Variants in COL3A1 observed in about 807,000 individuals in gnomAD.
The protein encoded by COL3A1 is collagen type III alpha 1 chain.
Under a neutral mutation model 200.9 loss-of-function variants are expected in COL3A1, and 46 were observed. The observed-to-expected ratio is 0.23, with a 90% CI of 0.18 to 0.29. The LOEUF is 0.29. Among genes scored for constraint, COL3A1 ranks in the 10% least tolerant of loss-of-function variants. The pLI is 1.00. For missense variants in COL3A1, 1,367 were observed against 1,917.6 expected (o/e 0.71, Z 5.36); for synonymous variants, 650 against 628.0 (o/e 1.03, Z -0.52).
At chr2:189,003,643 A>G in intron 37 of COL3A1, 91 bp from the exon 38 acceptor site, 1 of 1,449,216 alleles carries the variant, frequency 6.9e-7, no homozygotes, top group Non-Finnish European at 9.7e-7. Context: ...TTTCAGGTAC[A>G]ATGCAGATCA....
rs1688739851 is a variant in COL3A1, at chr2:189,011,959, C to A, written c.*185C>A. ...TCTTTTTTTGCTGTTCCACCAAATA[C>A]AATTCAAATGCTTTTTGTTTTATTT... On this transcript the variant is annotated 3_prime_UTR_variant, in exon 51 of 51. Transcript: ENST00000304636. 1 of 644,154 alleles carries A rather than the reference C, an allele frequency of 1.6e-6. No individual in the cohort carries two copies. Among genetic ancestry groups the A allele is most frequent in the African/African-American group, 1.8e-5 (1 of 54,670 alleles). 39.9% of individuals were successfully genotyped at this position (644,154 alleles called of 1,614,324 possible).
Position 189,002,632 on chromosome 2 carries a change from T to C in COL3A1, c.2445+281T>C, listed in dbSNP as rs538308943. ...TTTTGTAAATTCTTCCATTATAAGATGGTACTAATTAAAATTTTCTCTTAA... is the reference window on the plus strand; with the variant it reads ...TTTTGTAAATTCTTCCATTATAAGACGGTACTAATTAAAATTTTCTCTTAA... On this transcript the variant is annotated intron_variant, in intron 35 of 50. Coordinates refer to ENST00000304636, the MANE Select transcript of COL3A1 (RefSeq NM_000090.4). Among the ~76,000 whole-genome samples the C allele has an allele frequency of 9.8e-5, 15 of 152,314 alleles. No homozygotes were observed. In the South Asian group the frequency reaches 1.9e-3, roughly 19 times the overall value.
rs189304624 is a variant in COL3A1, at chr2:189,009,819, C to G, written c.3824-359C>G. On this transcript the variant is annotated intron_variant, in intron 48 of 50. Coordinates refer to ENST00000304636, the MANE Select transcript of COL3A1 (RefSeq NM_000090.4). ...AATCATAGGGATTTCAGCTTTAGAA[C>G]TATTGGAACAAATCTAGGTTAGACA... 1.3e-3 allele frequency among the ~76,000 whole-genome samples: 198 copies of G among 152,174 alleles called. 2 individuals carry two copies. The highest frequency in any genetic ancestry group is 4.4e-3 in the African/African-American group (183 of 41,514).
chr2:188,978,865 A>G (rs1339829441), intron 1 of COL3A1, among the ~76,000 whole-genome samples: 3 of 151,878 alleles, frequency 2.0e-5, no homozygotes, highest in Non-Finnish European at 4.4e-5. Flanking sequence ...AAAAAATGAG[A>G]TAGCTATTCT....
Position 189,003,584 on chromosome 2 carries a change from T to C in COL3A1, c.2607+120T>C, listed in dbSNP as rs1688519312. ...TGTAAAAATTGTAATCGCTCATTCA[T>C]ACATGAGTTATATGTAAATTCCAAG... On this transcript the variant is annotated intron_variant, in intron 37 of 50. Transcript: ENST00000304636. 59 of 1,328,538 alleles carry C rather than the reference T, an allele frequency of 4.4e-5. 1 individual carries two copies. In the South Asian group the frequency reaches 6.9e-4, roughly 15 times the overall value. The allele number at this position is 1,328,538 out of a possible 1,614,324, so 82.3% of individuals were successfully genotyped here.
chr2:189,011,995 T>G lies in COL3A1; in HGVS notation c.*221T>G, dbSNP rs1688740309. ...CTTTTTGTTTTATTTTTTTACCAAT[T>G]CCAATTTCAAAATGTCTCAATGGTG... is the stretch of plus-strand genomic sequence containing the variant. On this transcript the variant is annotated 3_prime_UTR_variant, in exon 51 of 51. Coordinates refer to ENST00000304636, the MANE Select transcript of COL3A1 (RefSeq NM_000090.4). The G allele has an allele frequency of 1.8e-6, 1 of 569,600 alleles. No individual in the cohort carries two copies. Among genetic ancestry groups the G allele is most frequent in the African/African-American group, 1.9e-5 (1 of 53,202 alleles). The allele number at this position is 569,600 out of a possible 1,614,324, so 35.3% of individuals were successfully genotyped here. A position where few individuals can be genotyped will look rare whatever the true frequency, so the allele number is the denominator to read the frequency against.
chr2:189,002,205 G>A lies in COL3A1; in HGVS notation c.2392-93G>A, dbSNP rs1688481573. ...CTACTCTGCACATTTCCTGCTTAAA[G>A]GAAAGAAAAGATAAGATGATAAGAT... On this transcript the variant is annotated intron_variant, in intron 34 of 50. Transcript: ENST00000304636. 7 of 1,080,864 alleles carry A rather than the reference G, an allele frequency of 6.5e-6. No individual in the cohort carries two copies. The East Asian group carries it at 1.4e-4, about 22-fold the overall frequency. 67.0% of individuals were successfully genotyped at this position (1,080,864 alleles called of 1,614,324 possible).
chr2:188,994,953 G>GCATC lies in COL3A1; in HGVS notation c.1456-90_1456-89insCCAT. The GCATC allele has an allele frequency of 6.4e-7, 1 of 1,551,244 alleles. No individual in the cohort carries two copies. The highest frequency in any genetic ancestry group is 8.9e-7 in the Non-Finnish European group (1 of 1,123,276). ...GTGTTCAGTGAAAATATTGTTTAAA[G>GCATC]CATTCTATGACATAAAAATATTTGC... On this transcript the variant is annotated intron_variant, in intron 20 of 50. Transcript: ENST00000304636. This position sits in a 1 kb window ranked among gnomAD's most constrained non-coding sequence, Gnocchi z 4.5.
intron 28 of COL3A1, 127 bp downstream of exon 28, chr2:188,998,446 T>A (rs1688377791): frequency 1.0e-6 from 1 of 991,844 alleles, no homozygotes; most frequent in Non-Finnish European, 1.5e-6. Context: ...TTTGAAATAT[T>A]ATCAAAACAA....
intron 40 of COL3A1, 41 bp from the exon 41 acceptor site, chr2:189,005,309 C>A (rs762235577): frequency 6.5e-7 from 1 of 1,534,568 alleles, no homozygotes; most frequent in African/African-American, 1.4e-5. Context: ...TAATTGATTT[C>A]TTAAGTTGAA....
At chr2:188,995,508 C>T in intron 21 of COL3A1, 184 bp from the exon 22 acceptor site, 1 of 579,928 alleles carries the variant, frequency 1.7e-6, no homozygotes, top group East Asian at 2.9e-5. Flanking sequence ...CACAAAGTTG[C>T]TTTAAAATTT....
Position 189,006,231 on chromosome 2 carries a change from C to G in COL3A1, c.3065C>G (p.Pro1022Arg). Residue 1022 changes from proline to arginine, a missense_variant, in exon 42 of 51, where the codon CCA becomes CGA. Physicochemically the swap from Pro to Arg is moderately radical, Grantham distance 103. This residue lies in a region of COL3A1 where 846 missense variants were observed against 1,147.9 expected (regional missense o/e 0.74). Transcript: ENST00000304636. Reference sequence around the variant, plus strand: ...GGAAACCCTGGATCAGATGGTCTTCCAGGCCGAGATGGATCTCCTGGTGGC... The same window carrying G: ...GGAAACCCTGGATCAGATGGTCTTCGAGGCCGAGATGGATCTCCTGGTGGC... ...RDGNPGSDGL[P>R]GRDGSPGGKG... is the part of the protein sequence containing the mutation. 6.2e-7 allele frequency: 1 copy of G among 1,614,156 alleles called. No individual in the cohort carries two copies. Among genetic ancestry groups the G allele is most frequent in the Non-Finnish European group, 8.5e-7 (1 of 1,180,028 alleles).
In COL3A1 at chr2:189,002,312, A is replaced by G; in HGVS notation, c.2406A>G (p.Glu802=). ...GPRGSPGERG[E]TGPPGPAGFP... ...TTTCTCTTCAGGGTGAGAGAGGTGA[A>G]ACTGGCCCTCCAGGACCTGCTGGTT... The change falls in exon 35 of 51, where the codon GAA becomes GAG. Residue 802 remains glutamate (E), a synonymous_variant. Coordinates refer to ENST00000304636, the MANE Select transcript of COL3A1 (RefSeq NM_000090.4). 1 of 1,614,032 alleles carries G rather than the reference A, an allele frequency of 6.2e-7. No homozygotes were observed. Among genetic ancestry groups the G allele is most frequent in the Non-Finnish European group, 8.5e-7 (1 of 1,179,924 alleles).
At chr2:188,975,875 A>T (rs1209779774) in intron 1 of COL3A1, among the ~76,000 whole-genome samples, 1 of 150,144 alleles carries the variant, frequency 6.7e-6, no homozygotes, top group East Asian at 2.0e-4. Flanking sequence ...CTCTTCACTC[A>T]TCACCCCACC....
chr2:188,994,356 G>T lies in COL3A1; in HGVS notation c.1293+24G>T. On this transcript the variant is annotated intron_variant, in intron 18 of 50. Coordinates refer to ENST00000304636, the MANE Select transcript of COL3A1 (RefSeq NM_000090.4). This position sits in a 1 kb window ranked among gnomAD's most constrained non-coding sequence, Gnocchi z 4.5. ...CAGTAAGTTGCCTTGTTTTTTCTCT[G>T]TTGACTGAAAGGTATAGTTTAATTC... 6.2e-7 allele frequency: 1 copy of T among 1,612,584 alleles called. No individual in the cohort carries two copies. Among genetic ancestry groups the T allele is most frequent in the Non-Finnish European group, 8.5e-7 (1 of 1,179,202 alleles).
At chr2:189,010,046 C>A in intron 48 of COL3A1, 132 bp from the exon 49 acceptor site, 1 of 815,782 alleles carries the variant, frequency 1.2e-6, no homozygotes. Context: ...CAAAAAGCTT[C>A]TCTATCATTC....
intron 10 of COL3A1, among the ~76,000 whole-genome samples, chr2:188,990,680 A>G (rs558338976): frequency 6.6e-6 from 1 of 152,288 alleles, no homozygotes; most frequent in Admixed American, 6.5e-5. Flanking sequence ...ACTTTATTCT[A>G]TGCAAAATAT....
At position 188,989,402 on chromosome 2, in the gene COL3A1, C is replaced by G; in HGVS notation, c.643C>G (p.Pro215Ala). 6.2e-7 allele frequency: 1 copy of G among 1,602,042 alleles called. No individual in the cohort carries two copies. Among genetic ancestry groups the G allele is most frequent in the Non-Finnish European group, 8.5e-7 (1 of 1,173,630 alleles). ...TTTATTTCCTTATTTTCAGGGCCCTCCAGGACCTCCTGGTGCTATAGGTCC... is the reference window on the plus strand; with the variant it reads ...TTTATTTCCTTATTTTCAGGGCCCTGCAGGACCTCCTGGTGCTATAGGTCC... Reference protein sequence around the residue: ...EPGQAGPSGPPGPPGAIGPSG... With the variant: ...EPGQAGPSGPAGPPGAIGPSG... The change falls in exon 8 of 51, where the codon CCA (proline) becomes GCA (alanine). Residue 215 changes from proline to alanine, a missense_variant. Physicochemically the swap from Pro to Ala is conservative, Grantham distance 27. This residue lies in a region of COL3A1 where 462 missense variants were observed against 681.4 expected (regional missense o/e 0.68). Transcript: ENST00000304636.
At chr2:189,003,654 T>C (rs1383334507) in intron 37 of COL3A1, 80 bp from the exon 38 acceptor site, 28 of 1,490,106 alleles carry the variant, frequency 1.9e-5, no homozygotes, top group Non-Finnish European at 2.6e-5. Flanking sequence ...ATGCAGATCA[T>C]GCCACACATT....
Sources: allele counts gnomAD v4.1 joint callset (sites outside exome capture counted in the v4.1 genomes callset), GRCh38; gene constraint gnomAD v4.1.1; regional missense constraint gnomAD v4.1.1; non-coding constraint Gnocchi (gnomAD v3.1); transcripts MANE v1.5; gene names NCBI Gene and HGNC (gene_info 2026-07-23, HGNC 2026-07-21).